Variants in CLIC5 observed in about 807,000 individuals in gnomAD.
The protein encoded by CLIC5 is CLIC family member 5.
A neutral mutation model predicts 24.7 loss-of-function variants in CLIC5; 20 were observed. The observed-to-expected ratio is 0.81, with a 90% CI of 0.57 to 1.18. The LOEUF (loss-of-function observed/expected upper bound fraction) is 1.18. Ranked by LOEUF, CLIC5 falls within the 50% of genes most tolerant of loss-of-function variation. The probability of loss-of-function intolerance (pLI) is 0.00; values close to 1 mark genes in which losing one functional copy is unlikely to be tolerated. For missense variants in CLIC5, 341 were observed against 326.1 expected, an observed-to-expected ratio of 1.05 and a Z score of -0.35; for synonymous variants, 159 against 135.6, an observed-to-expected ratio of 1.17 and a Z score of -1.20.
chr6:46,074,942 G>T (rs1014434134), intron 1 of CLIC5, among the ~76,000 whole-genome samples: 3 of 152,162 alleles, frequency 2.0e-5, no homozygotes, highest in African/African-American at 4.8e-5. Context: ...CCACAATATT[G>T]TATTGCTCAT....
rs151100629 is a variant in CLIC5 at position 45,968,862 on chromosome 6, T to C, written c.64-13618A>G. ...TTCCCTGGGTAGCCCTTTAAGCAATTTGGGGCAATGTAATAAAAAGCAGAA... is the reference window on the plus strand; with the variant it reads ...TTCCCTGGGTAGCCCTTTAAGCAATCTGGGGCAATGTAATAAAAAGCAGAA... On this transcript the variant is annotated intron_variant, in intron 1 of 5. Coordinates refer to ENST00000339561, the MANE Select transcript of CLIC5 (RefSeq NM_016929.5). Among the ~76,000 whole-genome samples, 6 of 152,258 alleles carry C rather than the reference T, an allele frequency of 3.9e-5. No individual in the cohort carries two copies. The East Asian group carries it at 9.7e-4, about 24-fold the overall frequency.
chr6:46,080,377 A>C, upstream of CLIC5: 5 of 657,720 alleles, frequency 7.6e-6, no homozygotes, highest in Non-Finnish European at 1.0e-5. Flanking sequence ...ACTGCTATCA[A>C]TGACAGGTCT....
chr6:46,013,378 G>A (rs1332554255), intron 1 of CLIC5, among the ~76,000 whole-genome samples: 4 of 152,174 alleles, frequency 2.6e-5, no homozygotes, highest in African/African-American at 9.7e-5. Context: ...TAAGGCCTGG[G>A]CAGCATCTTT....
intron 1 of CLIC5, among the ~76,000 whole-genome samples, chr6:46,060,440 G>A (rs527807057): frequency 3.3e-5 from 5 of 152,162 alleles, no homozygotes; most frequent in Admixed American, 2.6e-4. Flanking sequence ...GTGGGAGTGG[G>A]GGTGCTAATA....
At chr6:46,102,564 G>T in the CLIC5 span, 5 of 152,444 alleles carry the variant, frequency 3.3e-5, no homozygotes, top group African/African-American at 1.2e-4. Context: ...GGTCAGAGAA[G>T]AACTTTTATT....
intron 5 of CLIC5, chr6:45,912,825 G>T (rs1762868870): frequency 2.1e-6 from 2 of 941,378 alleles, no homozygotes; most frequent in Admixed American, 4.0e-5. Flanking sequence ...GGACCTACAA[G>T]TGACTATTGG....
At chr6:45,974,495 G>GTATATATATATATATATATA (rs1456137513) in intron 1 of CLIC5, among the ~76,000 whole-genome samples, 2 of 76,536 alleles carry the variant, frequency 2.6e-5, no homozygotes, top group African/African-American at 9.7e-5. Context: ...GTGTGTGTGT[G>GTATATATATATATATATATA]TGTATATATA....
intron 1 of CLIC5, among the ~76,000 whole-genome samples, chr6:46,058,708 C>T (rs554972159): frequency 1.3e-5 from 2 of 152,154 alleles, no homozygotes; most frequent in Non-Finnish European, 2.9e-5. Flanking sequence ...TCACTACAAC[C>T]TTTACAAACC....
intron 1 of CLIC5, among the ~76,000 whole-genome samples, chr6:45,974,518 TATATAGAGAGAG>T (rs1561976440): frequency 1.7e-3 from 141 of 84,104 alleles, no homozygotes; most frequent in South Asian, 4.0e-3. Flanking sequence ...TATATATATA[TATATAGAGAGAG>T]AGAGAGAGAG....
intron 6 of CLIC5, among the ~76,000 whole-genome samples, chr6:45,884,456 G>A (rs1378547069): frequency 6.6e-6 from 1 of 152,218 alleles, no homozygotes; most frequent in African/African-American, 2.4e-5. Flanking sequence ...GAAGAAGGGG[G>A]CAGCGGAATA....
chr6:46,016,083 G>A (rs975528936), upstream of CLIC5, among the ~76,000 whole-genome samples: 9 of 151,060 alleles, frequency 6.0e-5, no homozygotes, highest in Non-Finnish European at 1.3e-4. Context: ...AAGGCAGAAA[G>A]AGTCGAGGAG....
At chr6:45,998,172 A>G (rs1766220542) in intron 1 of CLIC5, among the ~76,000 whole-genome samples, 1 of 152,232 alleles carries the variant, frequency 6.6e-6, no homozygotes, top group Non-Finnish European at 1.5e-5. Flanking sequence ...TGGTTTGGAA[A>G]TGAGCTAATC....
chr6:45,941,341 C>T lies in CLIC5; in HGVS notation c.406+206G>A, dbSNP rs533685689. On this transcript the variant is annotated intron_variant, in intron 4 of 5. Coordinates refer to ENST00000339561, the MANE Select transcript of CLIC5 (RefSeq NM_016929.5). ...AAGCCCCAAGCCTTTCCTCCTGCAC[C>T]AGCTAGGCAGCAGCATCCACCACCT... 1.4e-3 allele frequency among the ~76,000 whole-genome samples: 211 copies of T among 152,150 alleles called. 5 individuals carry two copies. In the South Asian group the frequency reaches 0.023, roughly 16 times the overall value.
intron 1 of CLIC5, among the ~76,000 whole-genome samples, chr6:46,054,096 C>T (rs1768180169): frequency 6.6e-6 from 1 of 151,994 alleles, no homozygotes; most frequent in South Asian, 2.1e-4. Context: ...GGATGTTTGC[C>T]CTCAAAATGA....
At chr6:46,096,707 T>A in the CLIC5 span, among the ~76,000 whole-genome samples, 1 of 152,214 alleles carries the variant, frequency 6.6e-6, no homozygotes, top group Non-Finnish European at 1.5e-5. Context: ...TCTTGATTAA[T>A]GTTGGACCAA....
intron 1 of CLIC5, among the ~76,000 whole-genome samples, chr6:46,049,240 T>C (rs1271148146): frequency 6.6e-6 from 1 of 152,196 alleles, no homozygotes; most frequent in Non-Finnish European, 1.5e-5. Context: ...CCAGGGAAGA[T>C]GAATAGGTTT....
chr6:45,984,166 A>T (rs1282479324), intron 1 of CLIC5, among the ~76,000 whole-genome samples: 1 of 152,320 alleles, frequency 6.6e-6, no homozygotes, highest in Admixed American at 6.5e-5. Context: ...TCCCCTAGAG[A>T]TTTAAAAAAG....
At chr6:46,055,223 C>T (rs144489348) in intron 1 of CLIC5, among the ~76,000 whole-genome samples, 250 of 152,336 alleles carry the variant, frequency 1.6e-3, no homozygotes, top group Middle Eastern at 6.8e-3. Flanking sequence ...ACACCTCAGC[C>T]TCCTGAGTAG....
chr6:46,120,634 G>A, the CLIC5 span, among the ~76,000 whole-genome samples: 48 of 152,232 alleles, frequency 3.2e-4, no homozygotes, highest in South Asian at 4.2e-3. Flanking sequence ...AAACTTCTCC[G>A]AGCTAAAGGA....
Sources: allele counts gnomAD v4.1 joint callset (sites outside exome capture counted in the v4.1 genomes callset), GRCh38; gene constraint gnomAD v4.1.1; transcripts MANE v1.5; gene names NCBI Gene and HGNC (gene_info 2026-07-23, HGNC 2026-07-21).